TTL: variants seen among roughly 807,000 people sequenced by gnomAD.
TTL encodes the protein tubulin--tyrosine ligase.
In TTL, 10 loss-of-function variants were observed where a neutral mutation model predicts 41.1. That is an observed-to-expected ratio of 0.24 (90% CI 0.15 to 0.41). The LOEUF is 0.41. TTL is among the 10% of genes least tolerant of loss of function. The probability of loss-of-function intolerance (pLI) is 1.00; values close to 1 mark genes in which losing one functional copy is unlikely to be tolerated. For missense variants in TTL, 367 were observed against 460.4 expected (o/e 0.80, Z 1.86); for synonymous variants, 175 against 175.5 (o/e 1.00, Z 0.02).
At chr2:112,490,727 A>G (rs34047777) in intron 2 of TTL, among the ~76,000 whole-genome samples, 16,895 of 150,958 alleles carry the variant, frequency 0.11, 1,123 homozygotes, top group Non-Finnish European at 0.16. Context: ...ACCCACCACC[A>G]TGTCTGGCTA....
intron 2 of TTL, among the ~76,000 whole-genome samples, chr2:112,492,784 G>A (rs1397343969): frequency 1.3e-5 from 2 of 152,068 alleles, no homozygotes; most frequent in African/African-American, 2.4e-5. Context: ...CCAGCTACTC[G>A]GGAGTCTGAG....
chr2:112,527,476 G>T (rs1296083804), intron 6 of TTL, among the ~76,000 whole-genome samples: 4 of 152,180 alleles, frequency 2.6e-5, no homozygotes, highest in African/African-American at 4.8e-5. Flanking sequence ...CTAAGGACTT[G>T]CTTTATGAAT....
chr2:112,502,421 G>A (rs542863463), intron 4 of TTL, among the ~76,000 whole-genome samples: 78 of 152,044 alleles, frequency 5.1e-4, no homozygotes, highest in Non-Finnish European at 4.4e-4. Flanking sequence ...TGGATCACCT[G>A]ATGTCAGTAT....
chr2:112,520,573 G>T (rs1434055634), intron 6 of TTL, 148 bp downstream of exon 6: 3 of 1,096,678 alleles, frequency 2.7e-6, no homozygotes, highest in Non-Finnish European at 3.9e-6. Context: ...ATCTGGCAGG[G>T]GGCTTTGCTG....
chr2:112,520,702 G>C, intron 6 of TTL: 1 of 343,798 alleles, frequency 2.9e-6, no homozygotes, highest in Non-Finnish European at 5.5e-6. Context: ...TAGACTGTCT[G>C]AGCCCAGGAG....
rs753493156 is a variant in TTL at position 112,501,295 on chromosome 2, G to C, written c.559G>C (p.Glu187Gln). The change falls in exon 4 of 7, where the codon GAG (glutamate) becomes CAG (glutamine). Residue 187 changes from glutamate to glutamine, a missense_variant. Coordinates refer to ENST00000233336, the MANE Select transcript of TTL (RefSeq NM_153712.5). Reference protein sequence around the residue: ...GQVHVIQKYLEHPLLLEPGHR... With the variant: ...GQVHVIQKYLQHPLLLEPGHR... ...AGTGCACGTGATCCAGAAATATCTT[G>C]AGCACCCTCTGCTGCTTGAGCCAGG... The C allele has an allele frequency of 6.2e-7, 1 of 1,613,188 alleles. No individual in the cohort carries two copies. The highest frequency in any genetic ancestry group is 2.2e-5 in the East Asian group (1 of 44,774).
intron 3 of TTL, among the ~76,000 whole-genome samples, chr2:112,500,500 G>A (rs1453387236): frequency 2.0e-5 from 3 of 152,158 alleles, no homozygotes; most frequent in Non-Finnish European, 2.9e-5. Context: ...GAACCCAGGA[G>A]GCGAAGGTTA....
In TTL at chr2:112,521,023, G is replaced by T. The variant is rs528058192; in HGVS notation, c.1019+598G>T. Among the ~76,000 whole-genome samples the T allele has an allele frequency of 5.9e-5, 9 of 152,292 alleles. No individual in the cohort carries two copies. In the South Asian group the frequency reaches 1.9e-3, roughly 32 times the overall value. On this transcript the variant is annotated intron_variant, in intron 6 of 6. Transcript: ENST00000233336. ...GAGACCCGTATGACAAGCTGAGTAAGCAGGATCCTATGATGTGGCGACCCA... is the reference window on the plus strand; with the variant it reads ...GAGACCCGTATGACAAGCTGAGTAATCAGGATCCTATGATGTGGCGACCCA...
At chr2:112,498,787 C>T (rs542752643) in intron 3 of TTL, among the ~76,000 whole-genome samples, 141 of 151,776 alleles carry the variant, frequency 9.3e-4, no homozygotes, top group African/African-American at 3.3e-3. Flanking sequence ...CGCCTGTAAT[C>T]GCAGGTATTT....
intron 3 of TTL, among the ~76,000 whole-genome samples, chr2:112,497,467 C>T (rs58068769): frequency 0.17 from 25,271 of 152,146 alleles, 2,375 homozygotes; most frequent in East Asian, 0.3. Flanking sequence ...CAGTTCATGA[C>T]GAACTTTTAC....
chr2:112,483,907 A>C (rs1681163363), intron 1 of TTL: 1 of 152,216 alleles, frequency 6.6e-6, no homozygotes, highest in Admixed American at 6.5e-5. Flanking sequence ...GGAAGACCCT[A>C]GCAAAGAGAA....
chr2:112,490,149 C>T (rs1559010497), intron 2 of TTL, among the ~76,000 whole-genome samples: 1 of 152,182 alleles, frequency 6.6e-6, no homozygotes. Flanking sequence ...GATGTGGTGA[C>T]TCACACCTGT....
intron 3 of TTL, among the ~76,000 whole-genome samples, chr2:112,498,998 C>T (rs1368650528): frequency 6.6e-6 from 1 of 151,806 alleles, no homozygotes; most frequent in East Asian, 2.0e-4. Context: ...ACTTAATACA[C>T]TGTAGTATTC....
intron 3 of TTL, among the ~76,000 whole-genome samples, chr2:112,495,471 C>CA (rs1681500419): frequency 6.6e-6 from 1 of 152,194 alleles, no homozygotes; most frequent in African/African-American, 2.4e-5. Context: ...AATGTTAACT[C>CA]AGGCTGAAAA....
At chr2:112,507,820 A>C (rs1315704237) in intron 5 of TTL, among the ~76,000 whole-genome samples, 1 of 141,188 alleles carries the variant, frequency 7.1e-6, no homozygotes, top group Non-Finnish European at 1.5e-5. Context: ...TTATATTTAA[A>C]GTTAATATTG....
At chr2:112,500,091 T>C (rs1388974176) in intron 3 of TTL, among the ~76,000 whole-genome samples, 1 of 152,200 alleles carries the variant, frequency 6.6e-6, no homozygotes, top group African/African-American at 2.4e-5. Flanking sequence ...AACTTTGTGC[T>C]AAGTGAAATT....
intron 3 of TTL, among the ~76,000 whole-genome samples, chr2:112,500,902 A>G (rs115410449): frequency 7.7e-6 from 1 of 129,932 alleles, no homozygotes. Flanking sequence ...GTGACTAGTA[A>G]TAGAATGGTA....
intron 5 of TTL, among the ~76,000 whole-genome samples, chr2:112,503,826 A>G: frequency 3.6e-5 from 1 of 27,592 alleles, no homozygotes; most frequent in African/African-American, 1.4e-4. Context: ...TTTTTTTTTT[A>G]TTATACTCTA....
In TTL at chr2:112,532,958, A is replaced by G. The variant is rs1682541238; in HGVS notation, c.*4163A>G. The stretch of plus-strand genomic sequence containing the variant: ...GTGTCTTGTGTATCGAGTTCTTGTA[A>G]AGCATTTCACCAAGGCCAGGTTTTT... On this transcript the variant is annotated 3_prime_UTR_variant, in exon 7 of 7. Coordinates refer to ENST00000233336, the MANE Select transcript of TTL (RefSeq NM_153712.5). The G allele has an allele frequency of 6.6e-6, 1 of 152,176 alleles. No homozygotes were observed. The highest frequency in any genetic ancestry group is 1.5e-5 in the Non-Finnish European group (1 of 68,036). The allele number at this position is 152,176 out of a possible 1,614,324, so 9.4% of individuals were successfully genotyped here. A position where few individuals can be genotyped will look rare whatever the true frequency, so the allele number is the denominator to read the frequency against.
Sources: allele counts gnomAD v4.1 joint callset (sites outside exome capture counted in the v4.1 genomes callset), GRCh38; gene constraint gnomAD v4.1.1; transcripts MANE v1.5; gene names NCBI Gene and HGNC (gene_info 2026-07-23, HGNC 2026-07-21).